The following OTUD4 variants were observed in gnomAD, a reference collection of about 807,000 sequenced individuals.
OTUD4 encodes the protein OTU deubiquitinase 4, also known as OTU domain-containing protein 4.
In OTUD4, 24 loss-of-function variants were observed where a neutral mutation model predicts 130.4. The observed-to-expected ratio is 0.18, with a 90% CI of 0.13 to 0.26. The LOEUF (loss-of-function observed/expected upper bound fraction) is 0.26. Ranked by LOEUF, OTUD4 falls within the 10% of genes least tolerant of loss-of-function variation. OTUD4 has a pLI of 1.00. For synonymous variants in OTUD4, 420 were observed against 472.5 expected (o/e 0.89, Z 1.44); for missense variants, 1,031 against 1,329.4 (o/e 0.78, Z 3.49).
At position 145,144,348 on chromosome 4, in the gene OTUD4, G is replaced by A; in HGVS notation, c.1509C>T (p.Ser503=). The A allele has an allele frequency of 6.2e-7, 1 of 1,612,536 alleles. No individual in the cohort carries two copies. The highest frequency in any genetic ancestry group is 1.7e-5 in the Admixed American group (1 of 59,832). ...GTTCTTCTGTATCCATTCTCCGCCT[G>A]CTTCCTTTTCTATCACCTACATGTG... ...KSSHVGDRKG[S]RRRMDTEERK... The change falls in exon 15 of 21, where the codon AGC becomes AGT. Residue 503 remains serine (S), a synonymous_variant. Coordinates refer to ENST00000447906, the MANE Select transcript of OTUD4 (RefSeq NM_001366057.1).
At chr4:145,161,142 A>C (rs1204960662) in intron 6 of OTUD4, among the ~76,000 whole-genome samples, 2 of 151,882 alleles carry the variant, frequency 1.3e-5, no homozygotes, top group Non-Finnish European at 2.9e-5. Context: ...CAACAACAAC[A>C]AACACTGGGT....
At position 145,146,361 on chromosome 4, in the gene OTUD4, G is replaced by C; in HGVS notation, c.1328C>G (p.Ser443Cys). The change falls in exon 14 of 21, where the codon TCC becomes TGC. Residue 443 changes from serine to cysteine, a missense_variant. Coordinates refer to ENST00000447906, the MANE Select transcript of OTUD4 (RefSeq NM_001366057.1). ...TTGCTTCTCTCTGCGCTCTTCTGGG[G>C]AAAGGCCGAAATAGTTAGATTCTCG... ...TSRESNYFGL[S>C]PEERREKQAI... 6.3e-7 allele frequency: 1 copy of C among 1,594,576 alleles called. No homozygotes were observed. The highest frequency in any genetic ancestry group is 8.5e-7 in the Non-Finnish European group (1 of 1,172,696).
intron 19 of OTUD4, 72 bp downstream of exon 19, chr4:145,141,307 A>G: frequency 3.0e-6 from 4 of 1,341,654 alleles, no homozygotes; most frequent in Non-Finnish European, 4.0e-6. Flanking sequence ...ACCTCTACTT[A>G]CATCTCTTCA....
intron 6 of OTUD4, among the ~76,000 whole-genome samples, chr4:145,160,914 A>G (rs1751529873): frequency 6.6e-6 from 1 of 152,186 alleles, no homozygotes; most frequent in Non-Finnish European, 1.5e-5. Context: ...GTTTAAGACC[A>G]GCCTGGTCAA....
rs754390918 is a variant in OTUD4, at chr4:145,138,420, A to T, written c.2355T>A (p.Ile785=). The T allele has an allele frequency of 5.0e-6, 8 of 1,614,110 alleles. No individual in the cohort carries two copies. In the African/African-American group the frequency reaches 5.3e-5, roughly 11 times the overall value. Residue 785 remains isoleucine (I), a synonymous_variant, in exon 21 of 21, where the codon ATT becomes ATA. Coordinates refer to ENST00000447906, the MANE Select transcript of OTUD4 (RefSeq NM_001366057.1). ...SVNGQMPQPE[I]GPPTFSSPLV... is the part of the protein sequence containing the mutation. ...GAGGTGAAGAAAATGTCGGCGGTCC[A>T]ATCTCTGGCTGTGGCATTTGACCAT...
chr4:145,173,119 C>T (rs527331504), intron 2 of OTUD4, among the ~76,000 whole-genome samples: 4 of 152,194 alleles, frequency 2.6e-5, no homozygotes, highest in Admixed American at 6.5e-5. Context: ...AGGCCAGGCA[C>T]GGTGGCTCAC....
chr4:145,151,560 G>A (rs760525870), intron 11 of OTUD4, among the ~76,000 whole-genome samples: 44 of 152,096 alleles, frequency 2.9e-4, no homozygotes, highest in Admixed American at 4.6e-4. Flanking sequence ...ACTTGAACCC[G>A]GGAAGCGGAG....
At position 145,152,611 on chromosome 4, in the gene OTUD4, A is replaced by C. The variant is rs769190866; in HGVS notation, c.898T>G (p.Phe300Val). Residue 300 changes from phenylalanine to valine, a missense_variant, in exon 11 of 21, where the codon TTT becomes GTT. Coordinates refer to ENST00000447906, the MANE Select transcript of OTUD4 (RefSeq NM_001366057.1). ...ATTCCTTGAACATCTGCATTCAAAA[A>C]TTTTCCATTGTGATCCAACCTAACC... ...CQVRLDHNGKFLNADVQGIHS... is the reference protein window; with the variant it reads ...CQVRLDHNGKVLNADVQGIHS... The C allele has an allele frequency of 3.1e-6, 5 of 1,611,070 alleles. No individual in the cohort carries two copies. The Admixed American group carries it at 6.7e-5, about 22-fold the overall frequency.
intron 1 of OTUD4, 57 bp downstream of exon 1, chr4:145,179,758 G>A (rs1752602291): frequency 7.0e-6 from 8 of 1,140,632 alleles, no homozygotes; most frequent in African/African-American, 1.7e-5. Flanking sequence ...TCCCCACCCA[G>A]ACCCGCCGGG....
intron 3 of OTUD4, among the ~76,000 whole-genome samples, chr4:145,169,718 C>T (rs1323800561): frequency 2.6e-5 from 4 of 152,174 alleles, no homozygotes; most frequent in East Asian, 1.9e-4. Flanking sequence ...GTGATCCTCC[C>T]GCCTCTGCCT....
chr4:145,155,860 A>G (rs755897220), intron 8 of OTUD4, 76 bp downstream of exon 8: 12 of 1,288,404 alleles, frequency 9.3e-6, no homozygotes, highest in African/African-American at 3.0e-5. Flanking sequence ...CAGAAAAAAG[A>G]AAAAAATTAA....
In OTUD4 at chr4:145,179,892, A is replaced by G. The variant is rs1752610016; in HGVS notation, c.82T>C (p.Tyr28His). ...CGATACAAGCCCAGTTTCCGCAGAT[A>G]GGCGTCCATGGGCGTCGCGTCCTCG... is the stretch of plus-strand genomic sequence containing the variant. ...PREDATPMDA[Y>H]LRKLGLYRKL... Residue 28 changes from tyrosine (Y) to histidine (H), a missense_variant, in exon 1 of 21, where the codon TAT (tyrosine) becomes CAT (histidine). Transcript: ENST00000447906. The G allele has an allele frequency of 1.3e-6, 2 of 1,528,312 alleles. No individual in the cohort carries two copies. The highest frequency in any genetic ancestry group is 1.7e-6 in the Non-Finnish European group (2 of 1,143,638). 94.7% of individuals were successfully genotyped at this position (1,528,312 alleles called of 1,614,324 possible).
At chr4:145,167,597 C>T (rs1292533234) in intron 3 of OTUD4, among the ~76,000 whole-genome samples, 1 of 152,208 alleles carries the variant, frequency 6.6e-6, no homozygotes, top group Non-Finnish European at 1.5e-5. Flanking sequence ...TGGCTCACGC[C>T]TGTAATCCCA....
intron 13 of OTUD4, among the ~76,000 whole-genome samples, chr4:145,147,331 G>A (rs36226303): frequency 1.3e-5 from 2 of 151,832 alleles, no homozygotes; most frequent in Non-Finnish European, 1.5e-5. Context: ...AATTACAATA[G>A]GACAGATGTC....
At chr4:145,168,602 A>G (rs1264859394) in intron 3 of OTUD4, among the ~76,000 whole-genome samples, 1 of 152,138 alleles carries the variant, frequency 6.6e-6, no homozygotes, top group Non-Finnish European at 1.5e-5. Flanking sequence ...ATAGATGACA[A>G]ATAAGCACAT....
In OTUD4 at chr4:145,180,043, A is replaced by C; in HGVS notation, c.-70T>G. ...ACATGGCCAGGCCGCCGGCTGCTCG[A>C]CGCCCCGGCCTGGGGCAGGCGGCGG... On this transcript the variant is annotated 5_prime_UTR_variant, in exon 1 of 21. Coordinates refer to ENST00000447906, the MANE Select transcript of OTUD4 (RefSeq NM_001366057.1). 1 of 1,228,678 alleles carries C rather than the reference A, an allele frequency of 8.1e-7. No homozygotes were observed. Among genetic ancestry groups the C allele is most frequent in the Non-Finnish European group, 1.0e-6 (1 of 980,408 alleles). The allele number at this position is 1,228,678 out of a possible 1,614,324, so 76.1% of individuals were successfully genotyped here.
At chr4:145,177,931 C>T (rs1427388288) in intron 1 of OTUD4, among the ~76,000 whole-genome samples, 2 of 152,142 alleles carry the variant, frequency 1.3e-5, no homozygotes, top group Non-Finnish European at 2.9e-5. Flanking sequence ...GCTGGTATTA[C>T]TTCCTTTTTC....
rs759030443 is a variant in OTUD4 at position 145,162,667 on chromosome 4, A to C, written c.469T>G (p.Tyr157Asp). The C allele has an allele frequency of 1.3e-6, 2 of 1,555,274 alleles. No individual in the cohort carries two copies. The highest frequency in any genetic ancestry group is 2.3e-5 in the South Asian group (2 of 86,444). The change falls in exon 6 of 21, where the codon TAT becomes GAT. Residue 157 changes from tyrosine to aspartate, a missense_variant. Transcript: ENST00000447906. ...TGACACATAGCAGAGCTTTCTTTAT[A>C]CTTTATGGGATACACAATATCATAA... The part of the protein sequence containing the change: ...NHYDIVYPIK[Y>D]KESSAMCQSL...
Position 145,159,538 on chromosome 4 carries a change from G to T in OTUD4, c.594C>A (p.Asn198Lys). 6.2e-7 allele frequency: 1 copy of T among 1,613,464 alleles called. No individual in the cohort carries two copies. The highest frequency in any genetic ancestry group is 8.5e-7 in the Non-Finnish European group (1 of 1,179,660). The change falls in exon 7 of 21, where the codon AAC (asparagine) becomes AAA (lysine). Residue 198 changes from asparagine to lysine, a missense_variant. This residue lies in a region of OTUD4 where 900 missense variants were observed against 1,095.9 expected (regional missense o/e 0.82). Coordinates refer to ENST00000447906, the MANE Select transcript of OTUD4 (RefSeq NM_001366057.1). ...LDTLEVADED[N>K]SEISDSEDDS... is the part of the protein sequence containing the mutation. ...CATCCTCTGAATCTGATATTTCACT[G>T]TTATCTTCATCAGCTACTTCCAACG...
Sources: gnomAD v4.1 joint callset for allele counts (sites outside exome capture counted in the v4.1 genomes callset) on GRCh38, gnomAD v4.1.1 for gene constraint, gnomAD v4.1.1 regional missense constraint, MANE v1.5 for transcripts, NCBI Gene and HGNC (gene_info 2026-07-23, HGNC 2026-07-21) for gene names.